Variants in MUC17 observed in about 807,000 individuals in gnomAD.
MUC17 encodes mucin 17, cell surface associated.
Under a neutral mutation model 170.3 loss-of-function variants are expected in MUC17, and 190 were observed. The observed-to-expected ratio is 1.12, with a 90% CI of 0.99 to 1.26. MUC17 has a LOEUF of 1.26. Among genes scored for constraint, MUC17 ranks in the 50% most tolerant of loss-of-function variants. The probability of loss-of-function intolerance (pLI) is 0.00; values close to 1 mark genes in which losing one functional copy is unlikely to be tolerated. For missense variants in MUC17, 6,415 were observed against 5,530.0 expected, an observed-to-expected ratio of 1.16 and a Z score of -5.08; for synonymous variants, 2,325 against 2,002.5, an observed-to-expected ratio of 1.16 and a Z score of -4.30.
At chr7:101,050,813 T>A (rs927888588) in intron 7 of MUC17, among the ~76,000 whole-genome samples, 178 bp downstream of exon 7, 5 of 151,226 alleles carry the variant, frequency 3.3e-5, no homozygotes, top group African/African-American at 1.2e-4. Context: ...GCCGAGAGAG[T>A]CTTTAACCTT....
At position 101,042,823 on chromosome 7, in the gene MUC17, AC is replaced by A; in HGVS notation, c.11409del (p.Met3804CysfsTer13). ...TCCTACAACTCTTGAAGGCACCACC[AC>A]CATGCCTATGTCAACTACGAGTGAA... is the stretch of plus-strand genomic sequence containing the variant. ...SSPTTLEGTT[T>X]MPMSTTSERS... is the part of the protein sequence containing the mutation. On this transcript the variant is annotated frameshift_variant, in exon 3 of 13. Transcript: ENST00000306151. LOFTEE classifies it high-confidence loss of function. 1 of 1,614,134 alleles carries A rather than the reference AC, an allele frequency of 6.2e-7. No individual in the cohort carries two copies. The highest frequency in any genetic ancestry group is 8.5e-7 in the Non-Finnish European group (1 of 1,180,016).
In MUC17 at chr7:101,043,789, T is replaced by G; in HGVS notation, c.12373T>G (p.Ser4125Ala). 6.2e-7 allele frequency: 1 copy of G among 1,610,454 alleles called. No homozygotes were observed. Among genetic ancestry groups the G allele is most frequent in the Non-Finnish European group, 8.5e-7 (1 of 1,177,524 alleles). ...TACTACAATTAAGAGCAACCCCACC[T>G]CAACTCCTACTGTGCCAAGAACCAC... ...TNTTIKSNPT[S>A]TPTVPRTTTC... The change falls in exon 3 of 13, where the codon TCA becomes GCA. Residue 4125 changes from serine to alanine, a missense_variant. Coordinates refer to ENST00000306151, the MANE Select transcript of MUC17 (RefSeq NM_001040105.2).
At chr7:101,028,732 T>C (rs1794225856) in intron 1 of MUC17, among the ~76,000 whole-genome samples, 1 of 151,634 alleles carries the variant, frequency 6.6e-6, no homozygotes, top group Non-Finnish European at 1.5e-5. Context: ...AAAAAACTTT[T>C]AAAAAACTGG....
chr7:101,037,437 A>G lies in MUC17; in HGVS notation c.6021A>G (p.Thr2007=), dbSNP rs1163745905. ...GTTCTGAGGCTAGCACTCTTTCCACAACTCCTGTTGACACCAGCACTCCTG... is the reference window on the plus strand; with the variant it reads ...GTTCTGAGGCTAGCACTCTTTCCACGACTCCTGTTGACACCAGCACTCCTG... ...VVSSEASTLS[T]TPVDTSTPAT... is the part of the protein sequence containing the mutation. The change falls in exon 3 of 13, where the codon ACA becomes ACG. Residue 2007 remains threonine (T), a synonymous_variant. Coordinates refer to ENST00000306151, the MANE Select transcript of MUC17 (RefSeq NM_001040105.2). 6.2e-7 allele frequency: 1 copy of G among 1,611,126 alleles called. No homozygotes were observed. Among genetic ancestry groups the G allele is most frequent in the Non-Finnish European group, 8.5e-7 (1 of 1,178,260 alleles).
Position 101,039,258 on chromosome 7 carries a change from T to G in MUC17, c.7842T>G (p.Ser2614=), listed in dbSNP as rs1794602555. 1.2e-6 allele frequency: 2 copies of G among 1,613,270 alleles called. No individual in the cohort carries two copies. Residue 2614 remains serine (S), a synonymous_variant, in exon 3 of 13, where the codon TCT becomes TCG. Coordinates refer to ENST00000306151, the MANE Select transcript of MUC17 (RefSeq NM_001040105.2). The part of the protein sequence containing the change: ...PVTTSTETSS[S]PTTAKDTSMP... ...CCACTTCTACTGAAACCAGTTCATC[T>G]CCTACAACTGCAAAAGATACCAGCA...
At chr7:101,045,501 C>T (rs1794824146) in intron 3 of MUC17, among the ~76,000 whole-genome samples, 2 of 152,026 alleles carry the variant, frequency 1.3e-5, no homozygotes, top group African/African-American at 4.8e-5. Context: ...TCAAGTGATT[C>T]TCTCACCTCA....
intron 11 of MUC17, among the ~76,000 whole-genome samples, chr7:101,054,530 G>A (rs1795014327): frequency 6.6e-6 from 1 of 152,108 alleles, no homozygotes; most frequent in Non-Finnish European, 1.5e-5. Flanking sequence ...GCAGGAAAGG[G>A]AGAAAAAGAA....
chr7:101,039,214 G>T lies in MUC17; in HGVS notation c.7798G>T (p.Asp2600Tyr), dbSNP rs1329354910. Residue 2600 changes from aspartate to tyrosine, a missense_variant, in exon 3 of 13, where the codon GAC becomes TAC. By Grantham distance (160) the Asp-to-Tyr change is radical. Coordinates refer to ENST00000306151, the MANE Select transcript of MUC17 (RefSeq NM_001040105.2). ...TAGCACTCTTTCAACAACTCCTGTTGACACCAGCATACCTGTCACCACTTC... is the reference window on the plus strand; with the variant it reads ...TAGCACTCTTTCAACAACTCCTGTTTACACCAGCATACCTGTCACCACTTC... ...EASTLSTTPV[D>Y]TSIPVTTSTE... 6.2e-7 allele frequency: 1 copy of T among 1,613,494 alleles called. No individual in the cohort carries two copies.
chr7:101,052,913 G>T (rs1242580393), intron 9 of MUC17, 73 bp from the exon 10 acceptor site: 1 of 1,538,896 alleles, frequency 6.5e-7, no homozygotes, highest in Admixed American at 1.9e-5. Context: ...ACACCCACTG[G>T]GCAGGGCCCA....
chr7:101,049,517 T>A, intron 6 of MUC17, 135 bp downstream of exon 6: 2 of 1,215,632 alleles, frequency 1.6e-6, no homozygotes, highest in Non-Finnish European at 2.3e-6. Flanking sequence ...TGGGGCGGCT[T>A]AAACAACAGA....
rs750326366 is a variant in MUC17 at position 101,041,770 on chromosome 7, A to T, written c.10354A>T (p.Thr3452Ser). The T allele has an allele frequency of 1.9e-6, 3 of 1,613,682 alleles. No individual in the cohort carries two copies. Among genetic ancestry groups the T allele is most frequent in the African/African-American group, 2.7e-5 (2 of 74,744 alleles). Residue 3452 changes from threonine to serine, a missense_variant, in exon 3 of 13, where the codon ACT becomes TCT. Physicochemically the swap from Thr to Ser is moderately conservative, Grantham distance 58 (BLOSUM62 1). Transcript: ENST00000306151. ...IAEGTSLPTS[T>S]TSEGSTPLSI... is the part of the protein sequence containing the mutation. ...TGAAGGTACCAGCTTGCCAACCTCAACTACTAGTGAAGGAAGCACTCCATT... is the reference window on the plus strand; with the variant it reads ...TGAAGGTACCAGCTTGCCAACCTCATCTACTAGTGAAGGAAGCACTCCATT...
rs1244108412 is a variant in MUC17, at chr7:101,031,239, A to G, written c.184+18A>G. On this transcript the variant is annotated intron_variant, in intron 2 of 12. Coordinates refer to ENST00000306151, the MANE Select transcript of MUC17 (RefSeq NM_001040105.2). Reference sequence around the variant, plus strand: ...TAGGACAGGTAAGGCAACAGACTCCAAGATCTATCTGGGAAGGTGGCTCAC... The same window carrying G: ...TAGGACAGGTAAGGCAACAGACTCCGAGATCTATCTGGGAAGGTGGCTCAC... 13 of 1,605,840 alleles carry G rather than the reference A, an allele frequency of 8.1e-6. No homozygotes were observed. The highest frequency in any genetic ancestry group is 3.3e-5 in the South Asian group (3 of 89,612).
At position 101,032,915 on chromosome 7, in the gene MUC17, G is replaced by A; in HGVS notation, c.1499G>A (p.Ser500Asn). 2 of 1,613,860 alleles carry A rather than the reference G, an allele frequency of 1.2e-6. No individual in the cohort carries two copies. The highest frequency in any genetic ancestry group is 1.7e-6 in the Non-Finnish European group (2 of 1,179,966). The change falls in exon 3 of 13, where the codon AGC becomes AAC. Residue 500 changes from serine (S) to asparagine (N), a missense_variant. Coordinates refer to ENST00000306151, the MANE Select transcript of MUC17 (RefSeq NM_001040105.2). ...TCTCCTCCAACTGCTGAAGTTAACAGCATGCCAACCTCAACTCCTAGTGAA... is the reference window on the plus strand; with the variant it reads ...TCTCCTCCAACTGCTGAAGTTAACAACATGCCAACCTCAACTCCTAGTGAA... Reference protein sequence around the residue: ...SSSPPTAEVNSMPTSTPSEGS... With the variant: ...SSSPPTAEVNNMPTSTPSEGS...
intron 1 of MUC17, among the ~76,000 whole-genome samples, chr7:101,028,648 C>G (rs2116398120): frequency 6.6e-6 from 1 of 151,808 alleles, no homozygotes; most frequent in East Asian, 1.9e-4. Context: ...GAGGCTGAGG[C>G]AGCAGGATCC....
In MUC17 at chr7:101,043,509, C is replaced by A. The variant is rs1794774296; in HGVS notation, c.12093C>A (p.Thr4031=). ...CTTCTGCATCAACGCTTTCTGCAACCAGTACACCTCACACCTCTACTTCTG... is the reference window on the plus strand; with the variant it reads ...CTTCTGCATCAACGCTTTCTGCAACAAGTACACCTCACACCTCTACTTCTG... The part of the protein sequence containing the change: ...CTTSASTLSA[T]STPHTSTSVT... The change falls in exon 3 of 13, where the codon ACC becomes ACA. Residue 4031 remains threonine, a synonymous_variant. Transcript: ENST00000306151. The A allele has an allele frequency of 1.2e-5, 19 of 1,614,126 alleles. No homozygotes were observed. In the South Asian group the frequency reaches 2.0e-4, roughly 17 times the overall value.
intron 1 of MUC17, among the ~76,000 whole-genome samples, chr7:101,027,054 C>T (rs2116394674): frequency 6.6e-6 from 1 of 152,220 alleles, no homozygotes; most frequent in Non-Finnish European, 1.5e-5. Flanking sequence ...ATATGCCAGA[C>T]ACAGTGGCTC....
intron 1 of MUC17, among the ~76,000 whole-genome samples, chr7:101,026,213 G>A (rs1794176080): frequency 6.6e-6 from 1 of 152,240 alleles, no homozygotes; most frequent in South Asian, 2.1e-4. Context: ...TGCTCACGGG[G>A]AGCCCTTGGC....
chr7:101,043,467 C>T lies in MUC17; in HGVS notation c.12051C>T (p.Thr4017=). Reference sequence around the variant, plus strand: ...CTGCCCCCAGCACACCCAGAACAACCAGCAGAGGCTGCACTACTTCTGCAT... The same window carrying T: ...CTGCCCCCAGCACACCCAGAACAACTAGCAGAGGCTGCACTACTTCTGCAT... ...MSTAPSTPRT[T]SRGCTTSAST... Residue 4017 remains threonine (T), a synonymous_variant, in exon 3 of 13, where the codon ACC becomes ACT. Coordinates refer to ENST00000306151, the MANE Select transcript of MUC17 (RefSeq NM_001040105.2). 6.2e-7 allele frequency: 1 copy of T among 1,614,212 alleles called. No homozygotes were observed. The highest frequency in any genetic ancestry group is 8.5e-7 in the Non-Finnish European group (1 of 1,180,034).
At chr7:101,026,711 A>G (rs980264722) in intron 1 of MUC17, among the ~76,000 whole-genome samples, 3 of 152,010 alleles carry the variant, frequency 2.0e-5, no homozygotes, top group African/African-American at 4.8e-5. Flanking sequence ...CAGCCTCCCA[A>G]TTAGCTGGGA....
Sources: gnomAD v4.1 joint callset for allele counts (sites outside exome capture counted in the v4.1 genomes callset) on GRCh38, gnomAD v4.1.1 for gene constraint, MANE v1.5 for transcripts, NCBI Gene and HGNC (gene_info 2026-07-23, HGNC 2026-07-21) for gene names.